NRXN3: variants seen among roughly 807,000 people sequenced by gnomAD.
NRXN3 encodes the protein neurexin 3.
NRXN3 carries 32 observed loss-of-function variants against 137.6 expected under a neutral mutation model. The observed-to-expected ratio is 0.23, with a 90% CI of 0.18 to 0.31. NRXN3 has a LOEUF of 0.31. Among genes scored for constraint, NRXN3 ranks in the 10% least tolerant of loss-of-function variants. The pLI is 1.00. For synonymous variants in NRXN3, 798 were observed against 784.5 expected, an observed-to-expected ratio of 1.02 and a Z score of -0.29; for missense variants, 1,574 against 2,062.5, an observed-to-expected ratio of 0.76 and a Z score of 4.59.
Position 78,292,977 on chromosome 14 carries a change from A to C in NRXN3, c.728-4854A>C, listed in dbSNP as rs144651248. 1.1e-4 allele frequency among the ~76,000 whole-genome samples: 16 copies of C among 152,184 alleles called. 2 individuals carry two copies. The East Asian group carries it at 3.1e-3, about 29-fold the overall frequency. ...CCATCTTCATTTTTACCCCTTCCTC[A>C]TCTACAACATACAGAATGCATGCCT... On this transcript the variant is annotated intron_variant, in intron 3 of 20. Transcript: ENST00000335750.
intron 4 of NRXN3, among the ~76,000 whole-genome samples, chr14:78,482,665 A>G (rs2095492616): frequency 6.6e-6 from 1 of 152,210 alleles, no homozygotes; most frequent in South Asian, 2.1e-4. Context: ...ATATTTTTAG[A>G]CTTGTTACTT....
intron 4 of NRXN3, among the ~76,000 whole-genome samples, chr14:78,611,990 A>G (rs2097304424): frequency 6.6e-6 from 1 of 152,220 alleles, no homozygotes; most frequent in South Asian, 2.1e-4. Context: ...TCATTATATA[A>G]TCATGAAATC....
intron 15 of NRXN3, among the ~76,000 whole-genome samples, chr14:79,143,897 A>T (rs55862327): frequency 1.1e-3 from 164 of 152,300 alleles, no homozygotes; most frequent in Middle Eastern, 3.4e-3. Context: ...GATTTTTTTT[A>T]AAACTTTTCT....
intron 10 of NRXN3, among the ~76,000 whole-genome samples, chr14:78,814,890 T>A (rs1213849842): frequency 6.6e-6 from 1 of 152,208 alleles, no homozygotes; most frequent in Non-Finnish European, 1.5e-5. Context: ...CCATGTGCAG[T>A]ATGAATGAAT....
rs1222497978 is a variant in NRXN3, at chr14:78,487,810, C to G, written c.758-157310C>G. ...AAATAAAGATAGATTTGTCCTGAAA[C>G]TTAAAGAATAAAGACTCGGTAGACA... On this transcript the variant is annotated intron_variant, in intron 4 of 20. Coordinates refer to ENST00000335750, the MANE Select transcript of NRXN3 (RefSeq NM_001330195.2). Among the ~76,000 whole-genome samples, 5 of 151,714 alleles carry G rather than the reference C, an allele frequency of 3.3e-5. No homozygotes were observed. In the East Asian group the frequency reaches 9.7e-4, roughly 29 times the overall value.
At chr14:78,879,239 C>T (rs935046419) in intron 10 of NRXN3, among the ~76,000 whole-genome samples, 1 of 152,212 alleles carries the variant, frequency 6.6e-6, no homozygotes, top group African/African-American at 2.4e-5. Flanking sequence ...ATCAGGATCA[C>T]TGGATCGTAT....
intron 15 of NRXN3, among the ~76,000 whole-genome samples, chr14:79,140,987 A>T (rs182326621): frequency 4.2e-4 from 64 of 152,356 alleles, no homozygotes; most frequent in Non-Finnish European, 8.4e-4. Flanking sequence ...ATATTTAGGT[A>T]CATATTTTAA....
chr14:79,821,521 ATTCTT>A (rs919294994), intron 20 of NRXN3, among the ~76,000 whole-genome samples: 7 of 152,160 alleles, frequency 4.6e-5, no homozygotes, highest in Admixed American at 1.3e-4. Context: ...AGTGTTTTTT[ATTCTT>A]TTGTTTCTTA....
At chr14:79,555,716 C>T (rs947514701) in intron 16 of NRXN3, among the ~76,000 whole-genome samples, 1 of 152,092 alleles carries the variant, frequency 6.6e-6, no homozygotes, top group African/African-American at 2.4e-5. Context: ...ATAGCAAGTT[C>T]AGAGACTTGG....
At chr14:79,633,568 T>A (rs988355070) in intron 16 of NRXN3, among the ~76,000 whole-genome samples, 16 of 144,552 alleles carry the variant, frequency 1.1e-4, no homozygotes, top group African/African-American at 4.3e-4. Flanking sequence ...CAATAAATAT[T>A]TATCAAAGTA....
chr14:79,253,319 T>A (rs1480094162), intron 15 of NRXN3, among the ~76,000 whole-genome samples: 1 of 152,188 alleles, frequency 6.6e-6, no homozygotes, highest in Admixed American at 6.5e-5. Context: ...GGCCATAGTT[T>A]AGGTATGGTT....
chr14:78,251,370 C>G (rs1325598077), intron 2 of NRXN3, among the ~76,000 whole-genome samples: 1 of 152,190 alleles, frequency 6.6e-6, no homozygotes, highest in African/African-American at 2.4e-5. Context: ...TGAAACTAAG[C>G]CTTTCGTACA....
chr14:79,303,851 T>G (rs144456217), intron 15 of NRXN3, among the ~76,000 whole-genome samples: 1 of 152,166 alleles, frequency 6.6e-6, no homozygotes, highest in Non-Finnish European at 1.5e-5. Flanking sequence ...TTTAAAGATA[T>G]AGCTTCCCTG....
chr14:78,193,867 C>G (rs547179641), intron 1 of NRXN3, among the ~76,000 whole-genome samples: 10 of 152,234 alleles, frequency 6.6e-5, no homozygotes, highest in African/African-American at 2.4e-4. Flanking sequence ...CTGCCAGGCA[C>G]TGGACCCATC....
At chr14:79,703,266 CTT>C (rs1187055784) in intron 19 of NRXN3, among the ~76,000 whole-genome samples, 6 of 152,160 alleles carry the variant, frequency 3.9e-5, no homozygotes, top group South Asian at 4.1e-4. Context: ...GCAAAGTACT[CTT>C]AGCTTTTCAG....
At chr14:79,320,453 A>G (rs191865161) in intron 15 of NRXN3, among the ~76,000 whole-genome samples, 170 of 152,296 alleles carry the variant, frequency 1.1e-3, no homozygotes, top group Non-Finnish European at 1.9e-3. Flanking sequence ...GATGATGTCC[A>G]CAAGATGATA....
At chr14:78,221,475 A>G (rs2063843130) in intron 1 of NRXN3, among the ~76,000 whole-genome samples, 2 of 152,222 alleles carry the variant, frequency 1.3e-5, no homozygotes, top group African/African-American at 2.4e-5. Context: ...GTCAGGGTAC[A>G]GAGGGAAACA....
intron 2 of NRXN3, among the ~76,000 whole-genome samples, chr14:78,267,409 C>T (rs2071943354): frequency 6.6e-6 from 1 of 152,122 alleles, no homozygotes; most frequent in African/African-American, 2.4e-5. Flanking sequence ...AAAAATTCCT[C>T]AGCTAGGTAC....
chr14:79,472,038 T>C (rs762686447), intron 16 of NRXN3, among the ~76,000 whole-genome samples: 8 of 152,152 alleles, frequency 5.3e-5, no homozygotes, highest in Non-Finnish European at 8.8e-5. Context: ...TTCTCCTCTA[T>C]GTGTCCATGT....
Sources: allele counts gnomAD v4.1 joint callset (sites outside exome capture counted in the v4.1 genomes callset), GRCh38; gene constraint gnomAD v4.1.1; transcripts MANE v1.5; gene names NCBI Gene and HGNC (gene_info 2026-07-23, HGNC 2026-07-21).